Variants in SPTBN4 observed in about 807,000 individuals in gnomAD.
SPTBN4 encodes spectrin beta chain, non-erythrocytic 4.
A neutral mutation model predicts 277.8 loss-of-function variants in SPTBN4; 96 were observed. The ratio of observed to expected loss-of-function variants is 0.35; its 90% CI spans 0.29 to 0.41. The LOEUF (loss-of-function observed/expected upper bound fraction) is 0.41, where lower values mean the gene tolerates loss of function less well. Ranked by LOEUF, SPTBN4 falls within the 10% of genes least tolerant of loss-of-function variation. The pLI, the probability that SPTBN4 is intolerant of heterozygous loss-of-function variation, is 1.00. For missense variants in SPTBN4, 3,006 were observed against 3,595.7 expected, an observed-to-expected ratio of 0.84 and a Z score of 4.19; for synonymous variants, 1,481 against 1,580.3, an observed-to-expected ratio of 0.94 and a Z score of 1.49.
intron 17 of SPTBN4, 25 bp from the exon 18 acceptor site, chr19:40,529,016 C>G: frequency 6.2e-7 from 1 of 1,607,060 alleles, no homozygotes; most frequent in African/African-American, 1.3e-5. Flanking sequence ...GGGCCTTTCC[C>G]CAGCCCTTAT....
At position 40,558,911 on chromosome 19, in the gene SPTBN4, AATTATT is replaced by A. The variant is rs371965577; in HGVS notation, c.5671-1215_5671-1210del. On this transcript the variant is annotated intron_variant, in intron 26 of 35. Coordinates refer to ENST00000598249, the MANE Select transcript of SPTBN4 (RefSeq NM_020971.3). Reference sequence around the variant, plus strand: ...GCATGAGCTACTATGCCCAGCTGGCAATTATTATTATTATTATTATTATTATTATTA... The same window carrying A: ...GCATGAGCTACTATGCCCAGCTGGCAATTATTATTATTATTATTATTATTA... Among the ~76,000 whole-genome samples the A allele has an allele frequency of 2.2e-3, 282 of 125,944 alleles. 2 individuals are homozygous for A. Among genetic ancestry groups the A allele is most frequent in the South Asian group, 0.011 (40 of 3,576 alleles). 82.6% of individuals were successfully genotyped at this position (125,944 alleles called of 152,430 possible). A position where few individuals can be genotyped will look rare whatever the true frequency, so the allele number is the denominator to read the frequency against.
intron 26 of SPTBN4, among the ~76,000 whole-genome samples, chr19:40,558,500 G>A (rs1308249749): frequency 6.6e-6 from 1 of 152,210 alleles, no homozygotes; most frequent in East Asian, 1.9e-4. Context: ...ATTCGGATGT[G>A]GATCTGAGCA....
intron 7 of SPTBN4, among the ~76,000 whole-genome samples, chr19:40,500,519 G>A (rs17656504): frequency 0.18 from 27,307 of 152,128 alleles, 2,779 homozygotes; most frequent in Middle Eastern, 0.23. Flanking sequence ...TGATAAAGAA[G>A]ATAGGCATAC....
intron 20 of SPTBN4, among the ~76,000 whole-genome samples, chr19:40,538,321 G>GGAGATTGCAGTGAGGC (rs1555821867): frequency 2.9e-5 from 4 of 140,168 alleles, no homozygotes; most frequent in African/African-American, 1.1e-4. Flanking sequence ...CTTGAGAGGC[G>GGAGATTGCAGTGAGGC]GAGGTTGCAG....
intron 20 of SPTBN4, among the ~76,000 whole-genome samples, chr19:40,543,368 G>T (rs1308938096): frequency 6.6e-6 from 1 of 152,042 alleles, no homozygotes; most frequent in African/African-American, 2.4e-5. Context: ...TATGACCAGG[G>T]TGTTTTCAGT....
chr19:40,533,980 C>G, intron 19 of SPTBN4, 100 bp from the exon 20 acceptor site: 1 of 1,410,102 alleles, frequency 7.1e-7, no homozygotes. Flanking sequence ...ATTCTCTTTT[C>G]ACATCCTTCC....
intron 16 of SPTBN4, among the ~76,000 whole-genome samples, chr19:40,520,368 A>T (rs1846436127): frequency 6.6e-6 from 1 of 152,198 alleles, no homozygotes; most frequent in Non-Finnish European, 1.5e-5. Flanking sequence ...GAGGAGTATC[A>T]TCAGTGGGGT....
In SPTBN4 at chr19:40,471,946, T is replaced by C. The variant is rs916285442; in HGVS notation, c.-15-661T>C. 1.2e-4 allele frequency among the ~76,000 whole-genome samples: 18 copies of C among 149,996 alleles called. 1 individual carries two copies. Among genetic ancestry groups the C allele is most frequent in the African/African-American group, 3.9e-4 (16 of 40,530 alleles). ...TTTTTTTGAGACAGAGTTTCGCTTT[T>C]GTTGCCCAGGCTGGAGTGCAATGGC... On this transcript the variant is annotated intron_variant, in intron 1 of 35. Coordinates refer to ENST00000598249, the MANE Select transcript of SPTBN4 (RefSeq NM_020971.3).
At chr19:40,480,247 G>A (rs1242652175) in intron 2 of SPTBN4, among the ~76,000 whole-genome samples, 1 of 120,290 alleles carries the variant, frequency 8.3e-6, no homozygotes, top group Non-Finnish European at 1.6e-5. Context: ...GAGAGACTCC[G>A]TCTCAAAAAA....
chr19:40,484,884 A>G (rs2145819159), intron 2 of SPTBN4, among the ~76,000 whole-genome samples: 1 of 152,094 alleles, frequency 6.6e-6, no homozygotes, highest in East Asian at 1.9e-4. Context: ...GTGAGCTGAG[A>G]TCGCGCCACT....
intron 20 of SPTBN4, among the ~76,000 whole-genome samples, chr19:40,538,902 AAAT>A (rs2080768315): frequency 6.6e-6 from 1 of 151,056 alleles, no homozygotes; most frequent in Non-Finnish European, 1.5e-5. Context: ...AATTCTTAAT[AAAT>A]ATTTGAACAA....
chr19:40,538,009 C>G (rs901494723), intron 20 of SPTBN4, among the ~76,000 whole-genome samples: 2 of 152,166 alleles, frequency 1.3e-5, no homozygotes, highest in Non-Finnish European at 2.9e-5. Context: ...TTTTGCTCCT[C>G]CCTAGCCAGA....
intron 24 of SPTBN4, chr19:40,555,110 A>C (rs567104456): frequency 6.2e-6 from 1 of 161,956 alleles, no homozygotes; most frequent in Non-Finnish European, 1.3e-5. Flanking sequence ...AAGGAGGTAC[A>C]GAGAGAGACC....
chr19:40,556,906 C>A, intron 25 of SPTBN4, 117 bp from the exon 26 acceptor site: 1 of 1,316,722 alleles, frequency 7.6e-7, no homozygotes, highest in Non-Finnish European at 1.0e-6. Flanking sequence ...CCAACCTGGG[C>A]GACAGAGCAA....
At chr19:40,553,743 A>G (rs1208008712) in intron 22 of SPTBN4, among the ~76,000 whole-genome samples, 2 of 152,114 alleles carry the variant, frequency 1.3e-5, no homozygotes, top group African/African-American at 2.4e-5. Context: ...GTGCAACTGT[A>G]TACCTAAGAT....
chr19:40,549,867 C>T (rs1414171435), intron 21 of SPTBN4, among the ~76,000 whole-genome samples: 3 of 152,166 alleles, frequency 2.0e-5, no homozygotes, highest in Non-Finnish European at 4.4e-5. Flanking sequence ...GACTTGTCCC[C>T]AGACAGTGAC....
intron 6 of SPTBN4, among the ~76,000 whole-genome samples, chr19:40,496,253 G>A (rs1281591595): frequency 6.6e-6 from 1 of 152,144 alleles, no homozygotes; most frequent in African/African-American, 2.4e-5. Context: ...AGATTCAAGT[G>A]ATTCTCCTGC....
intron 22 of SPTBN4, among the ~76,000 whole-genome samples, chr19:40,551,237 C>T (rs74376117): frequency 1.0e-3 from 159 of 152,226 alleles, no homozygotes; most frequent in Admixed American, 1.6e-3. Flanking sequence ...CACAAAACAT[C>T]GAGTTAGCCT....
At position 40,503,909 on chromosome 19, in the gene SPTBN4, A is replaced by G; in HGVS notation, c.1442A>G (p.Tyr481Cys). The change falls in exon 12 of 36, where the codon TAC becomes TGC. Residue 481 changes from tyrosine to cysteine, a missense_variant. Tyr to Cys is a radical substitution (Grantham distance 194, BLOSUM62 -2). Transcript: ENST00000598249. Reference sequence around the variant, plus strand: ...GCGATCGAGGCAGACATTGCGGCCTACGAGGAGCGGGTGCAGGGTGTGGCG... The same window carrying G: ...GCGATCGAGGCAGACATTGCGGCCTGCGAGGAGCGGGTGCAGGGTGTGGCG... ...HEAIEADIAAYEERVQGVAEL... is the reference protein window; with the variant it reads ...HEAIEADIAACEERVQGVAEL... The G allele has an allele frequency of 6.2e-7, 1 of 1,613,444 alleles. No individual in the cohort carries two copies. Among genetic ancestry groups the G allele is most frequent in the Non-Finnish European group, 8.5e-7 (1 of 1,179,538 alleles).
Sources: gnomAD v4.1 joint callset for allele counts (sites outside exome capture counted in the v4.1 genomes callset) on GRCh38, gnomAD v4.1.1 for gene constraint, MANE v1.5 for transcripts, NCBI Gene and HGNC (gene_info 2026-07-23, HGNC 2026-07-21) for gene names.